DCC: variants seen among roughly 807,000 people sequenced by gnomAD.
The protein encoded by DCC is netrin receptor DCC.
A neutral mutation model predicts 172.5 loss-of-function variants in DCC; 58 were observed. That is an observed-to-expected ratio of 0.34 (90% CI 0.27 to 0.42). DCC has a LOEUF of 0.42. Among genes scored for constraint, DCC ranks in the 10% least tolerant of loss-of-function variants. The pLI, the probability that DCC is intolerant of heterozygous loss-of-function variation, is 1.00. For missense variants in DCC, 1,740 were observed against 1,791.0 expected, an observed-to-expected ratio of 0.97 and a Z score of 0.51; for synonymous variants, 709 against 644.5, an observed-to-expected ratio of 1.10 and a Z score of -1.52.
At chr18:52,494,688 C>G (rs1306985297) in intron 1 of DCC, among the ~76,000 whole-genome samples, 1 of 151,874 alleles carries the variant, frequency 6.6e-6, no homozygotes, top group African/African-American at 2.4e-5. Context: ...AATTCCAGTT[C>G]TATGATGAAA....
chr18:53,281,821 A>G (rs963942734), intron 12 of DCC, among the ~76,000 whole-genome samples: 1 of 146,628 alleles, frequency 6.8e-6, no homozygotes, highest in Non-Finnish European at 1.5e-5. Context: ...ACCAGAATTC[A>G]CCAGGCTGGC....
chr18:52,350,735 C>T (rs1984082893), intron 1 of DCC, among the ~76,000 whole-genome samples: 1 of 152,114 alleles, frequency 6.6e-6, no homozygotes, highest in Non-Finnish European at 1.5e-5. Flanking sequence ...ATCCTTGTAT[C>T]CCTAAATTGA....
intron 5 of DCC, among the ~76,000 whole-genome samples, chr18:52,941,448 T>C (rs115136450): frequency 0.014 from 2,066 of 151,976 alleles, 50 homozygotes; most frequent in African/African-American, 0.047. Flanking sequence ...TACCGTATTA[T>C]AGTTTTTAAA....
chr18:53,522,356 T>C (rs554020799), intron 27 of DCC, among the ~76,000 whole-genome samples: 33 of 151,998 alleles, frequency 2.2e-4, no homozygotes, highest in Non-Finnish European at 4.4e-4. Flanking sequence ...TTACAGTCCC[T>C]GTATGAATGA....
chr18:53,302,552 ATAT>A lies in DCC; in HGVS notation c.1912-3024_1912-3022del, dbSNP rs1339375194. On this transcript the variant is annotated intron_variant, in intron 12 of 28. Transcript: ENST00000442544. The stretch of plus-strand genomic sequence containing the variant: ...TTCAACGCTGTTTGTTGTGTTTTAA[ATAT>A]TTTTTTTTCAGACTGCACTCTTTTC... 2.6e-5 allele frequency among the ~76,000 whole-genome samples: 4 copies of A among 152,126 alleles called. No individual in the cohort carries two copies. The East Asian group carries it at 7.7e-4, about 29-fold the overall frequency.
chr18:52,555,883 T>C (rs913692463), intron 1 of DCC, among the ~76,000 whole-genome samples: 2 of 152,160 alleles, frequency 1.3e-5, no homozygotes, highest in Non-Finnish European at 2.9e-5. Context: ...TGATGTAATA[T>C]AATTATTCAT....
intron 2 of DCC, among the ~76,000 whole-genome samples, chr18:52,760,851 T>G (rs1366164573): frequency 6.6e-6 from 1 of 152,042 alleles, no homozygotes; most frequent in Non-Finnish European, 1.5e-5. Context: ...TCATGGAAAA[T>G]CTCAGTGTAT....
intron 1 of DCC, among the ~76,000 whole-genome samples, chr18:52,344,431 A>C (rs1007660880): frequency 2.6e-5 from 4 of 152,188 alleles, no homozygotes; most frequent in Admixed American, 2.0e-4. Flanking sequence ...CTAGCAACTC[A>C]GTTATCTCAA....
intron 14 of DCC, among the ~76,000 whole-genome samples, chr18:53,335,962 C>T (rs564052689): frequency 3.5e-4 from 54 of 152,230 alleles, no homozygotes; most frequent in African/African-American, 1.2e-3. Flanking sequence ...CAGGAAAGAC[C>T]GCCCCTGTGA....
At chr18:53,386,178 T>C (rs780542921) in intron 16 of DCC, 40 bp downstream of exon 16, 1 of 1,305,398 alleles carries the variant, frequency 7.7e-7, no homozygotes. Context: ...AAAGTATATT[T>C]GATTTATGGT....
At chr18:52,776,573 G>C (rs1237352158) in intron 2 of DCC, among the ~76,000 whole-genome samples, 1 of 152,126 alleles carries the variant, frequency 6.6e-6, no homozygotes, top group Non-Finnish European at 1.5e-5. Context: ...TAACATCCCT[G>C]AGAGATCTTC....
At chr18:53,210,586 G>T (rs2144565847) in intron 11 of DCC, among the ~76,000 whole-genome samples, 1 of 152,174 alleles carries the variant, frequency 6.6e-6, no homozygotes, top group East Asian at 1.9e-4. Flanking sequence ...ATTTCTGTAT[G>T]CAAAGGCTTA....
intron 7 of DCC, among the ~76,000 whole-genome samples, chr18:53,126,806 A>G (rs1268070112): frequency 1.3e-5 from 2 of 152,160 alleles, no homozygotes; most frequent in Non-Finnish European, 2.9e-5. Context: ...GTTGACAGAC[A>G]TAATTCTGAC....
At chr18:53,124,746 A>G (rs955805728) in intron 7 of DCC, among the ~76,000 whole-genome samples, 3 of 151,984 alleles carry the variant, frequency 2.0e-5, no homozygotes, top group Non-Finnish European at 2.9e-5. Flanking sequence ...CAGGTGGATC[A>G]CCTGAGGTCA....
chr18:53,264,056 A>G (rs1194199225), intron 12 of DCC, among the ~76,000 whole-genome samples: 6 of 152,204 alleles, frequency 3.9e-5, no homozygotes, highest in African/African-American at 1.4e-4. Flanking sequence ...TTTTGCTCTT[A>G]CAACCCACAA....
chr18:52,868,225 A>G (rs2039261010), intron 2 of DCC, among the ~76,000 whole-genome samples: 1 of 152,082 alleles, frequency 6.6e-6, no homozygotes, highest in African/African-American at 2.4e-5. Context: ...ACTTGTTCTA[A>G]TAGCAGCCTA....
At position 53,179,031 on chromosome 18, in the gene DCC, C is replaced by T. The variant is rs1455946564; in HGVS notation, c.1488C>T (p.Ala496=). The T allele has an allele frequency of 5.0e-6, 8 of 1,613,904 alleles. No individual in the cohort carries two copies. Among genetic ancestry groups the T allele is most frequent in the South Asian group, 2.2e-5 (2 of 91,084 alleles). The part of the protein sequence containing the change: ...QLTVGNLKPE[A]MYTFRVVAYN... The stretch of plus-strand genomic sequence containing the variant: ...CTGTGGGAAACCTGAAGCCAGAAGC[C>T]ATGTACACCTTTCGAGTTGTGGCTT... Residue 496 remains alanine, a synonymous_variant, in exon 9 of 29, where the codon GCC becomes GCT. Transcript: ENST00000442544.
At chr18:53,276,274 CTAGA>C (rs1260163556) in intron 12 of DCC, among the ~76,000 whole-genome samples, 3 of 152,094 alleles carry the variant, frequency 2.0e-5, no homozygotes, top group African/African-American at 7.2e-5. Flanking sequence ...AATACATTCC[CTAGA>C]TAATTAAATC....
rs1421827508 is a variant in DCC at position 52,430,224 on chromosome 18, ACT to A, written c.91+89349_91+89350del. Among the ~76,000 whole-genome samples the A allele has an allele frequency of 3.3e-5, 5 of 152,160 alleles. No individual in the cohort carries two copies. The East Asian group carries it at 9.7e-4, about 29-fold the overall frequency. On this transcript the variant is annotated intron_variant, in intron 1 of 28. Transcript: ENST00000442544. The stretch of plus-strand genomic sequence containing the variant: ...TAAGAATACATCTCTTAGAAACATA[ACT>A]CTGACAGTCAAGTGAAAGGCAAATG...
Sources: gnomAD v4.1 joint callset for allele counts (sites outside exome capture counted in the v4.1 genomes callset) on GRCh38, gnomAD v4.1.1 for gene constraint, MANE v1.5 for transcripts, NCBI Gene and HGNC (gene_info 2026-07-23, HGNC 2026-07-21) for gene names.